The following PLXDC2 variants were observed in gnomAD, a reference collection of about 807,000 sequenced individuals.
PLXDC2 encodes the protein plexin domain containing 2, also known as plexin domain-containing protein 2.
A neutral mutation model predicts 68.9 loss-of-function variants in PLXDC2; 40 were observed. That is an observed-to-expected ratio of 0.58 (90% CI 0.45 to 0.76). The LOEUF (loss-of-function observed/expected upper bound fraction) is 0.76, where lower values mean the gene tolerates loss of function less well. Among genes scored for constraint, PLXDC2 ranks in the 30% least tolerant of loss-of-function variants. The pLI, the probability that PLXDC2 is intolerant of heterozygous loss-of-function variation, is 0.00. For synonymous variants in PLXDC2, 243 were observed against 234.2 expected (o/e 1.04, Z -0.34); for missense variants, 644 against 661.9 (o/e 0.97, Z 0.30).
At chr10:20,273,931 T>A (rs1218605399) in intron 13 of PLXDC2, among the ~76,000 whole-genome samples, 1 of 151,878 alleles carries the variant, frequency 6.6e-6, no homozygotes, top group Non-Finnish European at 1.5e-5. Context: ...CCCAGCTACT[T>A]AGGAGGCTGA....
At chr10:20,252,015 C>G (rs1404552439) in intron 13 of PLXDC2, among the ~76,000 whole-genome samples, 1 of 151,080 alleles carries the variant, frequency 6.6e-6, no homozygotes, top group Non-Finnish European at 1.5e-5. Context: ...GAAATGTCCT[C>G]AGAGAGAAAG....
intron 9 of PLXDC2, among the ~76,000 whole-genome samples, chr10:20,179,643 T>A (rs1039803969): frequency 5.3e-5 from 8 of 152,134 alleles, no homozygotes; most frequent in Non-Finnish European, 1.2e-4. Flanking sequence ...TTTCATTTTT[T>A]AATATAATTT....
chr10:20,105,685 G>A (rs1028221022), intron 4 of PLXDC2, among the ~76,000 whole-genome samples: 12 of 152,016 alleles, frequency 7.9e-5, no homozygotes, highest in African/African-American at 1.9e-4. Context: ...GCAGCAACCC[G>A]GAGCAAGTTT....
At chr10:19,930,959 G>A (rs532990240) in intron 1 of PLXDC2, among the ~76,000 whole-genome samples, 27 of 151,980 alleles carry the variant, frequency 1.8e-4, no homozygotes, top group Non-Finnish European at 3.5e-4. Context: ...GAGAGACTCC[G>A]CTGAAAAGAA....
intron 1 of PLXDC2, among the ~76,000 whole-genome samples, chr10:19,857,896 T>C (rs186153366): frequency 1.6e-4 from 24 of 152,328 alleles, no homozygotes; most frequent in Admixed American, 1.4e-3. Flanking sequence ...TAAAATACTA[T>C]TTATTTTCTC....
chr10:20,174,231 T>G (rs931090793), intron 7 of PLXDC2, among the ~76,000 whole-genome samples: 9 of 152,016 alleles, frequency 5.9e-5, no homozygotes, highest in Admixed American at 5.9e-4. Context: ...GCAAAATACA[T>G]GGGAAAGCAA....
At chr10:19,854,671 T>C (rs1837182314) in intron 1 of PLXDC2, among the ~76,000 whole-genome samples, 1 of 152,216 alleles carries the variant, frequency 6.6e-6, no homozygotes. Flanking sequence ...AGTTCCTGTC[T>C]TTTAGTTGCA....
rs1196542071 is a variant in PLXDC2, at chr10:20,280,682, CA to C, written c.*867del. Reference sequence around the variant, plus strand: ...CACAGTTGCTCTGGGCTGATGGAAACAAAAGGAAACAGTATGAAGAGTTCCT... The same window carrying C: ...CACAGTTGCTCTGGGCTGATGGAAACAAAGGAAACAGTATGAAGAGTTCCT... On this transcript the variant is annotated 3_prime_UTR_variant, in exon 14 of 14. Coordinates refer to ENST00000377252, the MANE Select transcript of PLXDC2 (RefSeq NM_032812.9). The C allele has an allele frequency of 2.0e-5, 3 of 152,006 alleles. No individual in the cohort carries two copies. The highest frequency in any genetic ancestry group is 7.2e-5 in the African/African-American group (3 of 41,386). The allele number at this position is 152,006 out of a possible 1,614,324, so 9.4% of individuals were successfully genotyped here.
intron 4 of PLXDC2, among the ~76,000 whole-genome samples, chr10:20,079,219 G>T (rs10437426): frequency 0.066 from 10,105 of 152,138 alleles, 685 homozygotes; most frequent in African/African-American, 0.17. Flanking sequence ...TTTCTCAAAA[G>T]AATACATTTA....
At chr10:20,028,828 C>T (rs143629194) in intron 2 of PLXDC2, among the ~76,000 whole-genome samples, 2 of 152,296 alleles carry the variant, frequency 1.3e-5, no homozygotes, top group East Asian at 3.9e-4. Flanking sequence ...CTCTGTTCCA[C>T]CCTATTTTCT....
At chr10:20,119,078 C>T (rs1462292546) in intron 4 of PLXDC2, among the ~76,000 whole-genome samples, 1 of 151,924 alleles carries the variant, frequency 6.6e-6, no homozygotes, top group Non-Finnish European at 1.5e-5. Context: ...ATGAGAAAAC[C>T]ATGAACCTGA....
intron 1 of PLXDC2, among the ~76,000 whole-genome samples, chr10:19,962,025 T>C (rs1004501478): frequency 6.6e-6 from 1 of 152,192 alleles, no homozygotes; most frequent in Non-Finnish European, 1.5e-5. Context: ...CCTTTTATCA[T>C]GCGGAAATGA....
chr10:19,981,603 T>A (rs1031231781), intron 1 of PLXDC2, among the ~76,000 whole-genome samples: 1 of 152,150 alleles, frequency 6.6e-6, no homozygotes, highest in African/African-American at 2.4e-5. Context: ...TGGAAGCATC[T>A]CTGCACAAAA....
chr10:20,039,146 C>A (rs1835632365), intron 2 of PLXDC2, among the ~76,000 whole-genome samples: 2 of 152,264 alleles, frequency 1.3e-5, no homozygotes, highest in Non-Finnish European at 2.9e-5. Context: ...TCTTCCTCCT[C>A]CCCTTGGTTC....
chr10:20,169,360 T>G (rs75508277), intron 7 of PLXDC2, among the ~76,000 whole-genome samples: 1 of 152,220 alleles, frequency 6.6e-6, no homozygotes, highest in African/African-American at 2.4e-5. Context: ...CGAAATGGTA[T>G]TTCATTGTTG....
At chr10:19,960,629 C>T (rs769431833) in intron 1 of PLXDC2, among the ~76,000 whole-genome samples, 3 of 152,148 alleles carry the variant, frequency 2.0e-5, no homozygotes, top group African/African-American at 7.2e-5. Flanking sequence ...TTCAAATGTC[C>T]TATGACCTTG....
intron 3 of PLXDC2, among the ~76,000 whole-genome samples, chr10:20,065,716 A>G (rs1488111049): frequency 6.6e-6 from 1 of 152,212 alleles, no homozygotes; most frequent in East Asian, 1.9e-4. Context: ...CATAAGGAGC[A>G]TGCAACCTAG....
chr10:20,119,461 A>T (rs1045042907), intron 4 of PLXDC2, among the ~76,000 whole-genome samples: 2 of 151,908 alleles, frequency 1.3e-5, no homozygotes, highest in South Asian at 2.1e-4. Flanking sequence ...TCACAAGACA[A>T]TGTCTCAGTT....
intron 9 of PLXDC2, among the ~76,000 whole-genome samples, chr10:20,182,367 A>G (rs765105721): frequency 2.0e-5 from 3 of 151,984 alleles, no homozygotes; most frequent in Non-Finnish European, 4.4e-5. Context: ...ACAATTCTGA[A>G]TTTAGCTTTC....
Sources: gnomAD v4.1 joint callset for allele counts (sites outside exome capture counted in the v4.1 genomes callset) on GRCh38, gnomAD v4.1.1 for gene constraint, MANE v1.5 for transcripts, NCBI Gene and HGNC (gene_info 2026-07-23, HGNC 2026-07-21) for gene names.